IQGAP2: variants seen among roughly 807,000 people sequenced by gnomAD.
IQGAP2 encodes ras GTPase-activating-like protein IQGAP2.
In IQGAP2, 173 loss-of-function variants were observed where a neutral mutation model predicts 201.3. That is an observed-to-expected ratio of 0.86 (90% CI 0.76 to 0.98). The LOEUF is 0.98. Among genes scored for constraint, IQGAP2 ranks in the 50% least tolerant of loss-of-function variants. IQGAP2 has a pLI of 0.00. For synonymous variants in IQGAP2, 675 were observed against 673.9 expected, an observed-to-expected ratio of 1.00 and a Z score of -0.03; for missense variants, 1,687 against 1,864.8, an observed-to-expected ratio of 0.90 and a Z score of 1.76.
chr5:76,588,795 A>G (rs769562374), intron 5 of IQGAP2, 111 bp from the exon 6 acceptor site: 1 of 499,422 alleles, frequency 2.0e-6, no homozygotes, highest in Non-Finnish European at 3.5e-6. Context: ...TGAATAGACT[A>G]GATATCTCTT....
intron 2 of IQGAP2, among the ~76,000 whole-genome samples, chr5:76,516,614 C>T (rs536401498): frequency 3.3e-5 from 5 of 151,998 alleles, no homozygotes; most frequent in South Asian, 4.2e-4. Flanking sequence ...TGAGTATGTG[C>T]GTGTGTTGGG....
chr5:76,448,977 C>T lies in IQGAP2; in HGVS notation c.47-12593C>T, dbSNP rs117864766. 1.8e-3 allele frequency among the ~76,000 whole-genome samples: 277 copies of T among 152,218 alleles called. 5 individuals carry two copies. In the East Asian group the frequency reaches 0.042, roughly 23 times the overall value. On this transcript the variant is annotated intron_variant, in intron 1 of 35. Coordinates refer to ENST00000274364, the MANE Select transcript of IQGAP2 (RefSeq NM_006633.5). ...CCAGCTTCTTGATTTTGAGCTGTCACCTGATCTTCTCACTTTCATCTCACA... is the reference window on the plus strand; with the variant it reads ...CCAGCTTCTTGATTTTGAGCTGTCATCTGATCTTCTCACTTTCATCTCACA...
At position 76,570,663 on chromosome 5, in the gene IQGAP2, C is replaced by T; in HGVS notation, c.381+6C>T. The T allele has an allele frequency of 6.3e-7, 1 of 1,598,810 alleles. No individual in the cohort carries two copies. Among genetic ancestry groups the T allele is most frequent in the South Asian group, 1.1e-5 (1 of 90,708 alleles). ...AGTCTATTGGTCTACCCAAGGTAAG[C>T]CTTCACGCACTGGAATCTGAACTAG... On this transcript the variant is annotated splice_donor_region_variant and intron_variant, in intron 4 of 35. Transcript: ENST00000274364.
intron 2 of IQGAP2, among the ~76,000 whole-genome samples, chr5:76,538,892 C>A (rs886796547): frequency 6.6e-6 from 1 of 152,118 alleles, no homozygotes; most frequent in African/African-American, 2.4e-5. Context: ...ACTCGCCAAG[C>A]GGAGTTGGTG....
Position 76,571,481 on chromosome 5 carries a change from G to A in IQGAP2, c.381+824G>A, listed in dbSNP as rs531890745. Among the ~76,000 whole-genome samples the A allele has an allele frequency of 7.9e-5, 12 of 152,200 alleles. No homozygotes were observed. In the South Asian group the frequency reaches 1.9e-3, roughly 24 times the overall value. ...ATTACAGGGATGAGCTACCATGCCC[G>A]GCGTATAAATTATCATTATAAATCA... On this transcript the variant is annotated intron_variant, in intron 4 of 35. Coordinates refer to ENST00000274364, the MANE Select transcript of IQGAP2 (RefSeq NM_006633.5).
At chr5:76,472,626 A>G (rs73116091) in intron 2 of IQGAP2, among the ~76,000 whole-genome samples, 2,154 of 152,286 alleles carry the variant, frequency 0.014, 59 homozygotes, top group African/African-American at 0.049. Context: ...TAGTAGGTGG[A>G]AAAAGTTCTT....
intron 2 of IQGAP2, among the ~76,000 whole-genome samples, chr5:76,550,364 T>TTC: frequency 6.6e-6 from 1 of 150,888 alleles, no homozygotes; most frequent in African/African-American, 2.4e-5. Context: ...TTTTTTTTTT[T>TTC]CAGTATTTAT....
chr5:76,498,841 A>G (rs562882172), intron 2 of IQGAP2, among the ~76,000 whole-genome samples: 38 of 152,338 alleles, frequency 2.5e-4, no homozygotes, highest in African/African-American at 9.1e-4. Context: ...CAATGTTGAT[A>G]CATCTCTGAG....
chr5:76,690,128 A>C (rs775018545), intron 30 of IQGAP2, among the ~76,000 whole-genome samples: 10 of 152,184 alleles, frequency 6.6e-5, no homozygotes, highest in Non-Finnish European at 1.3e-4. Flanking sequence ...CCCTGGCGCC[A>C]GTACTCTAAG....
At chr5:76,437,533 T>G (rs1205306917) in intron 1 of IQGAP2, among the ~76,000 whole-genome samples, 2 of 152,034 alleles carry the variant, frequency 1.3e-5, no homozygotes, top group Admixed American at 6.6e-5. Flanking sequence ...GCTCCCCCGC[T>G]CCCCTCCCAC....
intron 2 of IQGAP2, among the ~76,000 whole-genome samples, chr5:76,473,175 C>T (rs957687630): frequency 7.9e-5 from 12 of 152,130 alleles, no homozygotes; most frequent in Non-Finnish European, 1.8e-4. Flanking sequence ...GTGTTTTGAT[C>T]ATGTCTTCCT....
At chr5:76,532,686 C>A (rs1419240105) in intron 2 of IQGAP2, among the ~76,000 whole-genome samples, 1 of 152,200 alleles carries the variant, frequency 6.6e-6, no homozygotes, top group South Asian at 2.1e-4. Context: ...TCATGTTGCC[C>A]TTTCAGACAG....
At chr5:76,684,844 T>C (rs79784300) in intron 30 of IQGAP2, among the ~76,000 whole-genome samples, 1 of 146,142 alleles carries the variant, frequency 6.8e-6, no homozygotes, top group Non-Finnish European at 1.5e-5. Flanking sequence ...CTCCACTTGA[T>C]TTTTTTTTTT....
chr5:76,579,665 T>A (rs867744724), intron 5 of IQGAP2, among the ~76,000 whole-genome samples: 12 of 151,016 alleles, frequency 7.9e-5, no homozygotes, highest in Non-Finnish European at 7.4e-5. Flanking sequence ...TTTTAAATAT[T>A]TTTTTTTTAA....
chr5:76,441,433 G>A lies in IQGAP2; in HGVS notation c.47-20137G>A, dbSNP rs187639601. ...TACCTAAAGTACCTACTTTTGAAGA[G>A]GTTGTGTCTAAGTCACGGGATATGA... is the stretch of plus-strand genomic sequence containing the variant. On this transcript the variant is annotated intron_variant, in intron 1 of 35. Coordinates refer to ENST00000274364, the MANE Select transcript of IQGAP2 (RefSeq NM_006633.5). 59 of 900,044 alleles carry A rather than the reference G, an allele frequency of 6.6e-5. No individual in the cohort carries two copies. The Admixed American group carries it at 3.3e-3, about 51-fold the overall frequency. 55.8% of individuals were successfully genotyped at this position (900,044 alleles called of 1,614,324 possible).
chr5:76,430,442 T>C (rs922712420), intron 1 of IQGAP2, among the ~76,000 whole-genome samples: 1 of 152,226 alleles, frequency 6.6e-6, no homozygotes, highest in African/African-American at 2.4e-5. Flanking sequence ...TTCATGGAGC[T>C]CAGGCTTCTT....
At chr5:76,455,453 C>T (rs1385707553) in intron 1 of IQGAP2, among the ~76,000 whole-genome samples, 1 of 81,234 alleles carries the variant, frequency 1.2e-5, no homozygotes, top group African/African-American at 4.7e-5. Context: ...GACTCTGTCT[C>T]AAAAAAAAAA....
chr5:76,630,795 CA>C (rs1413199909), intron 14 of IQGAP2, among the ~76,000 whole-genome samples: 1 of 152,138 alleles, frequency 6.6e-6, no homozygotes, highest in Non-Finnish European at 1.5e-5. Context: ...CCTCTGTTAG[CA>C]TAAGAACATG....
At chr5:76,580,090 T>C (rs1745736319) in intron 5 of IQGAP2, among the ~76,000 whole-genome samples, 2 of 151,630 alleles carry the variant, frequency 1.3e-5, no homozygotes, top group South Asian at 4.2e-4. Flanking sequence ...AGCCTGGCCA[T>C]GATGGTGAAA....
Sources: allele counts gnomAD v4.1 joint callset (sites outside exome capture counted in the v4.1 genomes callset), GRCh38; gene constraint gnomAD v4.1.1; transcripts MANE v1.5; gene names NCBI Gene and HGNC (gene_info 2026-07-23, HGNC 2026-07-21).